The following PAMR1 variants were observed in gnomAD, a reference collection of about 807,000 sequenced individuals.
The protein encoded by PAMR1 is inactive serine protease PAMR1.
In PAMR1, 88 loss-of-function variants were observed where a neutral mutation model predicts 81.8. That is an observed-to-expected ratio of 1.08 (90% CI 0.91 to 1.28). PAMR1 has a LOEUF of 1.28. Among genes scored for constraint, PAMR1 ranks in the 50% most tolerant of loss-of-function variants. The probability of loss-of-function intolerance (pLI) is 0.00; values close to 1 mark genes in which losing one functional copy is unlikely to be tolerated. For missense variants in PAMR1, 935 were observed against 919.7 expected (o/e 1.02, Z -0.21); for synonymous variants, 336 against 345.3 (o/e 0.97, Z 0.30).
At chr11:35,519,411 C>T (rs910414430) in intron 1 of PAMR1, among the ~76,000 whole-genome samples, 1 of 134,840 alleles carries the variant, frequency 7.4e-6, no homozygotes, top group African/African-American at 2.9e-5. Flanking sequence ...AAGGAGCAGA[C>T]ATACACAATG....
At chr11:35,511,828 C>T (rs932136241) in intron 1 of PAMR1, among the ~76,000 whole-genome samples, 32 of 152,250 alleles carry the variant, frequency 2.1e-4, no homozygotes, top group Non-Finnish European at 3.7e-4. Context: ...ATCTGACCAC[C>T]GGCTCCATGG....
intron 6 of PAMR1, among the ~76,000 whole-genome samples, chr11:35,458,159 A>G (rs1206564377): frequency 1.3e-5 from 2 of 152,198 alleles, no homozygotes; most frequent in African/African-American, 4.8e-5. Context: ...CATTTCTATA[A>G]TTTATAAAAC....
chr11:35,476,772 C>T (rs558328430), intron 3 of PAMR1, among the ~76,000 whole-genome samples: 13 of 152,094 alleles, frequency 8.5e-5, no homozygotes, highest in Non-Finnish European at 1.5e-4. Flanking sequence ...ACTGTGCAGA[C>T]ACCTTCCTAT....
intron 5 of PAMR1, among the ~76,000 whole-genome samples, chr11:35,470,385 C>T (rs187348335): frequency 1.2e-3 from 184 of 152,278 alleles, no homozygotes; most frequent in African/African-American, 4.4e-3. Context: ...TTAGCCACTG[C>T]CATTTGTATA....
chr11:35,503,096 C>T (rs955941927), intron 1 of PAMR1, among the ~76,000 whole-genome samples: 2 of 152,136 alleles, frequency 1.3e-5, no homozygotes, highest in South Asian at 4.1e-4. Flanking sequence ...AGAGACTGTT[C>T]TTTTCCCCAT....
At chr11:35,471,825 GAGTATCA>G (rs1348599021) in intron 4 of PAMR1, among the ~76,000 whole-genome samples, 2 of 152,174 alleles carry the variant, frequency 1.3e-5, no homozygotes, top group Non-Finnish European at 2.9e-5. Context: ...GGGAATACAT[GAGTATCA>G]AGTTCACAAA....
chr11:35,487,914 G>A (rs888733626), intron 3 of PAMR1, among the ~76,000 whole-genome samples: 1 of 152,134 alleles, frequency 6.6e-6, no homozygotes, highest in Admixed American at 6.6e-5. Flanking sequence ...AACAAGACAT[G>A]GCACATAAAG....
chr11:35,512,069 T>C (rs1305878687), intron 1 of PAMR1, among the ~76,000 whole-genome samples: 1 of 152,208 alleles, frequency 6.6e-6, no homozygotes, highest in Non-Finnish European at 1.5e-5. Context: ...AGCTGGAGAA[T>C]CAAGGCCATC....
Position 35,436,068 on chromosome 11 carries a change from T to C in PAMR1, c.1168A>G (p.Lys390Glu). 1 of 1,614,092 alleles carries C rather than the reference T, an allele frequency of 6.2e-7. No individual in the cohort carries two copies. Among genetic ancestry groups the C allele is most frequent in the Non-Finnish European group, 8.5e-7 (1 of 1,179,996 alleles). ...SKQKLQSAPT[K>E]KPALPFGDLP... is the part of the protein sequence containing the mutation. Reference sequence around the variant, plus strand: ...TCTCCAAAGGGAAGGGCTGGCTTCTTGGTAGGGGCACTCTGCAGTTTCTGC... The same window carrying C: ...TCTCCAAAGGGAAGGGCTGGCTTCTCGGTAGGGGCACTCTGCAGTTTCTGC... The change falls in exon 9 of 11, where the codon AAG becomes GAG. Residue 390 changes from lysine (K) to glutamate (E), a missense_variant. Physicochemically the swap from Lys to Glu is moderately conservative, Grantham distance 56. Coordinates refer to ENST00000619888, the MANE Select transcript of PAMR1 (RefSeq NM_001001991.3).
chr11:35,507,997 A>G (rs1216521241), intron 1 of PAMR1, among the ~76,000 whole-genome samples: 3 of 152,204 alleles, frequency 2.0e-5, no homozygotes, highest in African/African-American at 7.2e-5. Context: ...TACCTCCTGC[A>G]GCATAGTGCC....
At chr11:35,449,844 G>A (rs1856374907) in intron 6 of PAMR1, among the ~76,000 whole-genome samples, 1 of 152,174 alleles carries the variant, frequency 6.6e-6, no homozygotes, top group Non-Finnish European at 1.5e-5. Context: ...TGGGGTGGGA[G>A]TTTGCCTTAC....
At chr11:35,440,139 G>A (rs1439987699) in intron 7 of PAMR1, among the ~76,000 whole-genome samples, 1 of 152,182 alleles carries the variant, frequency 6.6e-6, no homozygotes, top group Non-Finnish European at 1.5e-5. Flanking sequence ...ATTCCTCCAT[G>A]TTCTTTCTCT....
intron 1 of PAMR1, among the ~76,000 whole-genome samples, chr11:35,496,176 T>C (rs190696149): frequency 2.0e-5 from 3 of 152,338 alleles, no homozygotes; most frequent in Admixed American, 6.5e-5. Context: ...GAAGGAAACA[T>C]AGGAGTAAAT....
chr11:35,468,083 A>T lies in PAMR1; in HGVS notation c.738T>A (p.His246Gln), dbSNP rs138249563. ...CCTTGTCAAGGACGCACGTGCCGTC[A>T]TGGAAACAAGGGGATGAGGAGCATG... is the stretch of plus-strand genomic sequence containing the variant. ...ITACSSSPCF[H>Q]DGTCVLDKAG... is the part of the protein sequence containing the mutation. Residue 246 changes from histidine (H) to glutamine (Q), a missense_variant, in exon 6 of 11, where the codon CAT (histidine) becomes CAA (glutamine). Coordinates refer to ENST00000619888, the MANE Select transcript of PAMR1 (RefSeq NM_001001991.3). The T allele has an allele frequency of 7.1e-5, 111 of 1,554,754 alleles. No homozygotes were observed. The highest frequency in any genetic ancestry group is 9.3e-5 in the Non-Finnish European group (107 of 1,148,152).
chr11:35,475,894 A>C (rs1239214576), intron 3 of PAMR1, among the ~76,000 whole-genome samples: 1 of 152,156 alleles, frequency 6.6e-6, no homozygotes, highest in African/African-American at 2.4e-5. Flanking sequence ...TACCTTCCCT[A>C]TTTCTATACA....
At chr11:35,502,806 T>C (rs4756235) in intron 1 of PAMR1, among the ~76,000 whole-genome samples, 20,255 of 85,104 alleles carry the variant, frequency 0.24, 1,513 homozygotes, top group East Asian at 0.51. Flanking sequence ...AATTTGTTGA[T>C]TGTTTCCTTT....
chr11:35,468,351 A>G (rs895326278), intron 5 of PAMR1, among the ~76,000 whole-genome samples: 2 of 152,228 alleles, frequency 1.3e-5, no homozygotes, highest in Non-Finnish European at 2.9e-5. Flanking sequence ...ACGCTCCTAT[A>G]GTCTGAAGAC....
intron 3 of PAMR1, among the ~76,000 whole-genome samples, chr11:35,485,044 T>G (rs767536140): frequency 2.0e-5 from 3 of 152,176 alleles, no homozygotes; most frequent in Admixed American, 6.5e-5. Flanking sequence ...TAAATACAAT[T>G]TCCCACTATA....
intron 3 of PAMR1, among the ~76,000 whole-genome samples, chr11:35,482,064 C>G (rs1850404675): frequency 6.6e-6 from 1 of 152,166 alleles, no homozygotes; most frequent in Non-Finnish European, 1.5e-5. Context: ...TCAATTTTAG[C>G]TTTTGATGCA....
Sources: allele counts gnomAD v4.1 joint callset (sites outside exome capture counted in the v4.1 genomes callset), GRCh38; gene constraint gnomAD v4.1.1; transcripts MANE v1.5; gene names NCBI Gene and HGNC (gene_info 2026-07-23, HGNC 2026-07-21).